MGAM2: variants seen among roughly 807,000 people sequenced by gnomAD.
MGAM2 encodes probable maltase-glucoamylase 2.
A neutral mutation model predicts 96.1 loss-of-function variants in MGAM2; 98 were observed. The ratio of observed to expected loss-of-function variants is 1.02; its 90% CI spans 0.87 to 1.21. MGAM2 has a LOEUF of 1.21. Among genes scored for constraint, MGAM2 ranks in the 50% most tolerant of loss-of-function variants. MGAM2 has a pLI of 0.00. For synonymous variants in MGAM2, 749 were observed against 414.8 expected, an observed-to-expected ratio of 1.81 and a Z score of -9.79; for missense variants, 2,055 against 1,182.4, an observed-to-expected ratio of 1.74 and a Z score of -10.82.
chr7:142,213,229 A>G (rs1166176581), intron 46 of MGAM2, among the ~76,000 whole-genome samples: 1 of 152,126 alleles, frequency 6.6e-6, no homozygotes, highest in African/African-American at 2.4e-5. Context: ...GGAAGGATCT[A>G]AAATCAACAC....
At chr7:142,190,901 G>A (rs1049258613) in intron 37 of MGAM2, among the ~76,000 whole-genome samples, 1 of 152,016 alleles carries the variant, frequency 6.6e-6, no homozygotes, top group Non-Finnish European at 1.5e-5. Flanking sequence ...TTGGGAGGCC[G>A]AAGTGGGAGG....
chr7:142,154,689 C>G (rs1412427298), intron 16 of MGAM2, 40 bp from the exon 17 acceptor site: 9 of 699,302 alleles, frequency 1.3e-5, no homozygotes, highest in Non-Finnish European at 2.4e-5. Context: ...GCTTTCGCCT[C>G]TCATTGACCA....
At chr7:142,116,358 T>C (rs544687763) in intron 1 of MGAM2, among the ~76,000 whole-genome samples, 120 of 152,328 alleles carry the variant, frequency 7.9e-4, no homozygotes, top group Non-Finnish European at 4.6e-4. Context: ...TCATTTTTGT[T>C]ACCAGATCCT....
rs536799859 is a variant in MGAM2, at chr7:142,172,095, C to A, written c.3352-3C>A. On this transcript the variant is annotated splice_polypyrimidine_tract_variant and splice_region_variant and intron_variant, in intron 28 of 47. Coordinates refer to ENST00000477922, the MANE Select transcript of MGAM2 (RefSeq NM_001293626.2). The stretch of plus-strand genomic sequence containing the variant: ...TTTTGTTTATTACCCTCGTGACTCC[C>A]AGTACAAGAAGAATTCCTATGGTGT... 6 of 722,030 alleles carry A rather than the reference C, an allele frequency of 8.3e-6. No individual in the cohort carries two copies. Among genetic ancestry groups the A allele is most frequent in the South Asian group, 7.4e-5 (5 of 67,680 alleles). The allele number at this position is 722,030 out of a possible 1,614,324, so 44.7% of individuals were successfully genotyped here.
rs1211292625 is a variant in MGAM2, at chr7:142,196,307, G to A, written c.4480+20G>A. On this transcript the variant is annotated intron_variant, in intron 38 of 47. Transcript: ENST00000477922. ...TCATTGGTGTGTGGGCTCATTCCCA[G>A]GGGCCTGTGCTGGCAGGGAGGGCAC... 1 of 718,722 alleles carries A rather than the reference G, an allele frequency of 1.4e-6. No individual in the cohort carries two copies. The highest frequency in any genetic ancestry group is 2.3e-4 in the Middle Eastern group (1 of 4,372). The allele number at this position is 718,722 out of a possible 1,614,324, so 44.5% of individuals were successfully genotyped here. A position where few individuals can be genotyped will look rare whatever the true frequency, so the allele number is the denominator to read the frequency against.
rs57967255 is a variant in MGAM2 at position 142,111,998 on chromosome 7, C to CTGTGTGTG, written c.-1+230_-1+237dup. Among the ~76,000 whole-genome samples, 748 of 133,668 alleles carry CTGTGTGTG rather than the reference C, an allele frequency of 5.6e-3. 3 individuals are homozygous for CTGTGTGTG. The highest frequency in any genetic ancestry group is 7.0e-3 in the Non-Finnish European group (437 of 62,558). The allele number at this position is 133,668 out of a possible 152,430, so 87.7% of individuals were successfully genotyped here. ...TGAGATAGTTGATGGAGAGGAGAGA[C>CTGTGTGTG]TGTGTGTGTGTGTGTGTGTGTGTGT... On this transcript the variant is annotated intron_variant, in intron 1 of 47. Transcript: ENST00000477922.
chr7:142,193,493 G>A (rs1273462451), intron 37 of MGAM2, among the ~76,000 whole-genome samples: 2 of 152,158 alleles, frequency 1.3e-5, no homozygotes, highest in African/African-American at 4.8e-5. Context: ...AGAGCTCAGC[G>A]TTTGTGGCAT....
At chr7:142,138,324 C>A (rs1795121278) in intron 9 of MGAM2, among the ~76,000 whole-genome samples, 1 of 151,504 alleles carries the variant, frequency 6.6e-6, no homozygotes, top group Non-Finnish European at 1.5e-5. Flanking sequence ...CCTAAGATGA[C>A]ACCATTACTG....
chr7:142,167,821 C>G (rs1796073718), intron 26 of MGAM2, among the ~76,000 whole-genome samples: 1 of 152,172 alleles, frequency 6.6e-6, no homozygotes, highest in Non-Finnish European at 1.5e-5. Flanking sequence ...ATCCACCTCC[C>G]TCTGCCTCCC....
Position 142,197,746 on chromosome 7 carries a change from G to C in MGAM2, c.4866+18G>C. The C allele has an allele frequency of 1.4e-6, 1 of 702,818 alleles. No homozygotes were observed. Among genetic ancestry groups the C allele is most frequent in the Non-Finnish European group, 2.6e-6 (1 of 384,950 alleles). The allele number at this position is 702,818 out of a possible 1,614,324, so 43.5% of individuals were successfully genotyped here. On this transcript the variant is annotated intron_variant, in intron 42 of 47. Coordinates refer to ENST00000477922, the MANE Select transcript of MGAM2 (RefSeq NM_001293626.2). ...TGGAAACTGTGAGTTCTTCATTGTA[G>C]GTCAGAAAACCTTCAATCACATGAT...
chr7:142,154,147 T>C lies in MGAM2; in HGVS notation c.1764T>C (p.Ser588=). The change falls in exon 16 of 48, where the codon TCT becomes TCC. Residue 588 remains serine (S), a synonymous_variant. Coordinates refer to ENST00000477922, the MANE Select transcript of MGAM2 (RefSeq NM_001293626.2). ...NAATWDDLRW[S]IPTILEFNLF... is the part of the protein sequence containing the mutation. Reference sequence around the variant, plus strand: ...CCACATGGGATGACCTCCGATGGTCTATCCCCACTATCCTTGAGTTCAACC... The same window carrying C: ...CCACATGGGATGACCTCCGATGGTCCATCCCCACTATCCTTGAGTTCAACC... 1 of 661,780 alleles carries C rather than the reference T, an allele frequency of 1.5e-6. No homozygotes were observed. Among genetic ancestry groups the C allele is most frequent in the Non-Finnish European group, 2.8e-6 (1 of 355,478 alleles). The allele number at this position is 661,780 out of a possible 1,614,324, so 41.0% of individuals were successfully genotyped here.
intron 4 of MGAM2, 81 bp downstream of exon 4, chr7:142,131,152 A>G (rs1266855676): frequency 7.5e-6 from 5 of 668,740 alleles, no homozygotes; most frequent in East Asian, 5.5e-5. Context: ...ATAAAAGCTA[A>G]AAGTCAGGCA....
intron 31 of MGAM2, among the ~76,000 whole-genome samples, chr7:142,174,772 A>G (rs1001491485): frequency 4.9e-4 from 61 of 125,258 alleles, no homozygotes; most frequent in African/African-American, 1.8e-3. Flanking sequence ...CTGGAGTGCC[A>G]TGGAGCAATC....
At chr7:142,151,706 A>G (rs1795584428) in intron 15 of MGAM2, among the ~76,000 whole-genome samples, 1 of 152,212 alleles carries the variant, frequency 6.6e-6, no homozygotes, top group South Asian at 2.1e-4. Context: ...AAAGTGCTAT[A>G]AATCAAGAAT....
rs1283599911 is a variant in MGAM2 at position 142,148,401 on chromosome 7, C to T, written c.1634+828C>T. ...ACCACCATCCCTACCACCACCATCACCATCATCACTATCCCCATCACCACC... is the reference window on the plus strand; with the variant it reads ...ACCACCATCCCTACCACCACCATCATCATCATCACTATCCCCATCACCACC... On this transcript the variant is annotated intron_variant, in intron 15 of 47. Coordinates refer to ENST00000477922, the MANE Select transcript of MGAM2 (RefSeq NM_001293626.2). The surrounding 1 kb of genome is among the most constrained non-coding windows in gnomAD (Gnocchi z 4.2). 2.0e-5 allele frequency among the ~76,000 whole-genome samples: 3 copies of T among 152,054 alleles called. No homozygotes were observed. Among genetic ancestry groups the T allele is most frequent in the South Asian group, 2.1e-4 (1 of 4,826 alleles).
At position 142,185,115 on chromosome 7, in the gene MGAM2, C is replaced by T. The variant is rs1444236211; in HGVS notation, c.3963C>T (p.Ser1321=). The T allele has an allele frequency of 2.8e-6, 2 of 702,800 alleles. No individual in the cohort carries two copies. The highest frequency in any genetic ancestry group is 1.5e-5 in the South Asian group (1 of 67,572). The allele number at this position is 702,800 out of a possible 1,614,324, so 43.5% of individuals were successfully genotyped here. ...PDLPNVIVDG[S]LDHETQVKLY... ...TGCCTAATGTAATTGTAGATGGATCCCTTGACCATGAAACTCAGGTTAAGG... is the reference window on the plus strand; with the variant it reads ...TGCCTAATGTAATTGTAGATGGATCTCTTGACCATGAAACTCAGGTTAAGG... Residue 1321 remains serine, a synonymous_variant, in exon 34 of 48, where the codon TCC becomes TCT. Transcript: ENST00000477922.
At chr7:142,158,128 T>C (rs2129085650) in intron 18 of MGAM2, 37 bp downstream of exon 18, 1 of 700,234 alleles carries the variant, frequency 1.4e-6, no homozygotes, top group East Asian at 2.7e-5. Context: ...CCTTTCTGAT[T>C]GTAGTTTCAC....
At chr7:142,180,850 G>A (rs1383370241) in intron 32 of MGAM2, among the ~76,000 whole-genome samples, 2 of 152,136 alleles carry the variant, frequency 1.3e-5, no homozygotes, top group African/African-American at 4.8e-5. Flanking sequence ...TTGCAATTGT[G>A]TTATAATTTT....
intron 46 of MGAM2, among the ~76,000 whole-genome samples, chr7:142,212,145 C>A (rs1040539786): frequency 2.6e-5 from 4 of 152,190 alleles, no homozygotes; most frequent in Admixed American, 6.5e-5. Flanking sequence ...CATTTACAAG[C>A]AAATGCTGAG....
Sources: allele counts gnomAD v4.1 joint callset (sites outside exome capture counted in the v4.1 genomes callset), GRCh38; gene constraint gnomAD v4.1.1; non-coding constraint Gnocchi (gnomAD v3.1); transcripts MANE v1.5; gene names NCBI Gene and HGNC (gene_info 2026-07-23, HGNC 2026-07-21).